Variants in ACSL6 observed in about 807,000 individuals in gnomAD.
ACSL6 encodes the protein acyl-CoA synthetase long chain family member 6, also known as long-chain-fatty-acid--CoA ligase 6.
In ACSL6, 47 loss-of-function variants were observed where a neutral mutation model predicts 98.2. That is an observed-to-expected ratio of 0.48 (90% CI 0.38 to 0.61). The LOEUF (loss-of-function observed/expected upper bound fraction) is 0.61, where lower values mean the gene tolerates loss of function less well. ACSL6 is among the 20% of genes least tolerant of loss of function. The pLI, the probability that ACSL6 is intolerant of heterozygous loss-of-function variation, is 0.00. For missense variants in ACSL6, 761 were observed against 913.4 expected, an observed-to-expected ratio of 0.83 and a Z score of 2.15; for synonymous variants, 362 against 336.9, an observed-to-expected ratio of 1.07 and a Z score of -0.82.
At chr5:131,965,682 A>G (rs28483465) in intron 17 of ACSL6, among the ~76,000 whole-genome samples, 1 of 152,176 alleles carries the variant, frequency 6.6e-6, no homozygotes, top group Non-Finnish European at 1.5e-5. Flanking sequence ...AGATCTCGTC[A>G]CTGCACTCCA....
intron 9 of ACSL6, chr5:131,983,463 C>T (rs992759944): frequency 1.3e-5 from 2 of 152,234 alleles, no homozygotes; most frequent in Admixed American, 1.3e-4. Context: ...TCATATTTTC[C>T]ATCTTTCCCC....
Position 132,011,523 on chromosome 5 carries a change from AG to A in ACSL6, c.30del (p.Ser11ProfsTer6). The A allele has an allele frequency of 6.2e-7, 1 of 1,605,362 alleles. No homozygotes were observed. The highest frequency in any genetic ancestry group is 8.5e-7 in the Non-Finnish European group (1 of 1,176,418). On this transcript the variant is annotated frameshift_variant, in exon 1 of 21. Coordinates refer to ENST00000651883, the MANE Select transcript of ACSL6 (RefSeq NM_001009185.3). LOFTEE classifies it high-confidence loss of function. The surrounding 1 kb of genome is among the most constrained non-coding windows in gnomAD (Gnocchi z 5.4). MLTFFLVSG[G>X]SLWLFVEFVL... ...CACTTACCTACGAATAGCCAGAGGG[AG>A]CCCCCCGACACGAGGAAGAAGGTCA...
chr5:131,996,694 T>G (rs965087998), intron 1 of ACSL6, among the ~76,000 whole-genome samples: 5 of 152,228 alleles, frequency 3.3e-5, no homozygotes, highest in Admixed American at 6.5e-5. Flanking sequence ...CTAGAGTTTT[T>G]ACAGAGCACA....
At position 131,987,902 on chromosome 5, in the gene ACSL6, T is replaced by A. The variant is rs1337191742; in HGVS notation, c.831+146A>T. On this transcript the variant is annotated intron_variant, in intron 7 of 20. Transcript: ENST00000651883. The stretch of plus-strand genomic sequence containing the variant: ...AACCCCACCACTCACCACCAGCCCT[T>A]GCAAAGCCTGCCCTGTCTGGACACT... 21 of 1,081,080 alleles carry A rather than the reference T, an allele frequency of 1.9e-5. No individual in the cohort carries two copies. In the East Asian group the frequency reaches 4.9e-4, roughly 25 times the overall value. 67.0% of individuals were successfully genotyped at this position (1,081,080 alleles called of 1,614,324 possible). A position where few individuals can be genotyped will look rare whatever the true frequency, so the allele number is the denominator to read the frequency against.
chr5:131,988,262 G>C (rs558093285), intron 6 of ACSL6, 36 bp from the exon 7 acceptor site: 2 of 1,609,182 alleles, frequency 1.2e-6, no homozygotes, highest in South Asian at 1.1e-5. Flanking sequence ...AGGCCATGTG[G>C]GCCCAGGTCA....
At chr5:131,967,698 AT>A (rs749428913) in intron 16 of ACSL6, among the ~76,000 whole-genome samples, 85 of 141,302 alleles carry the variant, frequency 6.0e-4, no homozygotes, top group Middle Eastern at 3.8e-3. Flanking sequence ...AATAATAATA[AT>A]TAATTAATTT....
At chr5:131,983,442 T>A (rs1754006722) in intron 9 of ACSL6, 1 of 152,230 alleles carries the variant, frequency 6.6e-6, no homozygotes, top group Non-Finnish European at 1.5e-5. Context: ...GGGCCAAATG[T>A]CAGGTTCAGA....
At chr5:131,989,275 T>A in intron 5 of ACSL6, 132 bp downstream of exon 5, 1 of 850,594 alleles carries the variant, frequency 1.2e-6, no homozygotes, top group Admixed American at 2.3e-5. Context: ...GGAAGAGGAG[T>A]GGTGGCATAG....
At chr5:131,994,293 G>A in intron 1 of ACSL6, 42 bp from the exon 2 acceptor site, 1 of 1,535,690 alleles carries the variant, frequency 6.5e-7, no homozygotes, top group Non-Finnish European at 8.9e-7. Context: ...GACCTGACGG[G>A]CAGGTTAGGG....
chr5:131,997,581 T>C (rs1754857821), intron 1 of ACSL6, among the ~76,000 whole-genome samples: 2 of 152,226 alleles, frequency 1.3e-5, no homozygotes, highest in African/African-American at 4.8e-5. Flanking sequence ...GCCAGTCATT[T>C]GCTATCTTTC....
At chr5:131,994,351 G>A in intron 1 of ACSL6, 100 bp from the exon 2 acceptor site, 1 of 1,052,154 alleles carries the variant, frequency 9.5e-7, no homozygotes. Context: ...AACACTGTAG[G>A]GCAGGCCCTC....
chr5:131,975,407 C>G, intron 10 of ACSL6: 1 of 985,430 alleles, frequency 1.0e-6, no homozygotes, highest in Middle Eastern at 5.2e-4. Flanking sequence ...CTGCCCCACA[C>G]CCCATTTCTC....
At chr5:132,000,212 T>C (rs1409190935) in intron 1 of ACSL6, among the ~76,000 whole-genome samples, 1 of 152,030 alleles carries the variant, frequency 6.6e-6, no homozygotes, top group Non-Finnish European at 1.5e-5. Context: ...AAACATCTGC[T>C]TAGGGATGCT....
chr5:131,966,500 G>C lies in ACSL6; in HGVS notation c.1629C>G (p.Gly543=), dbSNP rs1422418867. The C allele has an allele frequency of 6.2e-7, 1 of 1,614,138 alleles. No homozygotes were observed. Among genetic ancestry groups the C allele is most frequent in the Admixed American group, 1.7e-5 (1 of 60,010 alleles). Residue 543 remains glycine, a synonymous_variant, in exon 17 of 21, where the codon GGC becomes GGG. Coordinates refer to ENST00000651883, the MANE Select transcript of ACSL6 (RefSeq NM_001009185.3). The stretch of plus-strand genomic sequence containing the variant: ...TCGTCCTGTCTGGATCTTTCAAGTA[G>C]CCTTTGAACACATTTGGTCCTCTCA... ...ICVRGPNVFK[G]YLKDPDRTKE...
chr5:131,956,943 T>C (rs1415567678), intron 20 of ACSL6, among the ~76,000 whole-genome samples: 1 of 152,170 alleles, frequency 6.6e-6, no homozygotes, highest in East Asian at 1.9e-4. Context: ...CTCTTTTCAC[T>C]GAAAAGAGAT....
At chr5:131,983,543 G>A (rs1218499079) in intron 9 of ACSL6, 1 of 152,274 alleles carries the variant, frequency 6.6e-6, no homozygotes, top group Non-Finnish European at 1.5e-5. Context: ...AAGGGAAGCT[G>A]TATCTGGGCT....
chr5:131,992,381 G>A (rs1754572276), intron 2 of ACSL6, among the ~76,000 whole-genome samples: 1 of 152,176 alleles, frequency 6.6e-6, no homozygotes, highest in South Asian at 2.1e-4. Flanking sequence ...AATGCTGCCA[G>A]GCCCTGTCTG....
At chr5:131,995,246 G>A (rs1754736302) in intron 1 of ACSL6, among the ~76,000 whole-genome samples, 1 of 152,124 alleles carries the variant, frequency 6.6e-6, no homozygotes, top group Admixed American at 6.5e-5. Context: ...AGGCCCCAGG[G>A]GCCTGCGGCA....
At chr5:131,958,308 C>T (rs1752525554) in intron 20 of ACSL6, among the ~76,000 whole-genome samples, 2 of 152,202 alleles carry the variant, frequency 1.3e-5, no homozygotes, top group Admixed American at 1.3e-4. Context: ...AGGCCCAGAC[C>T]AGCCAGGCCT....
Sources: gnomAD v4.1 joint callset for allele counts (sites outside exome capture counted in the v4.1 genomes callset) on GRCh38, gnomAD v4.1.1 for gene constraint, Gnocchi (gnomAD v3.1) non-coding constraint, MANE v1.5 for transcripts, NCBI Gene and HGNC (gene_info 2026-07-23, HGNC 2026-07-21) for gene names.